MARK3: variants seen among roughly 807,000 people sequenced by gnomAD.
The protein encoded by MARK3 is MAP/microtubule affinity-regulating kinase 3.
In MARK3, 46 loss-of-function variants were observed where a neutral mutation model predicts 90.1. The ratio of observed to expected loss-of-function variants is 0.51; its 90% CI spans 0.40 to 0.65. The LOEUF (loss-of-function observed/expected upper bound fraction) is 0.65. Ranked by LOEUF, MARK3 falls within the 30% of genes least tolerant of loss-of-function variation. The pLI is 0.00. For synonymous variants in MARK3, 321 were observed against 332.6 expected, an observed-to-expected ratio of 0.97 and a Z score of 0.38; for missense variants, 818 against 947.2, an observed-to-expected ratio of 0.86 and a Z score of 1.79.
intron 2 of MARK3, among the ~76,000 whole-genome samples, chr14:103,410,670 C>A (rs1214211320): frequency 6.6e-6 from 1 of 152,016 alleles, no homozygotes; most frequent in Admixed American, 6.6e-5. Flanking sequence ...CCGCTGTACT[C>A]CAGCCGGGGC....
chr14:103,448,556 G>A (rs1385749177), intron 3 of MARK3, among the ~76,000 whole-genome samples: 1 of 152,182 alleles, frequency 6.6e-6, no homozygotes, highest in African/African-American at 2.4e-5. Context: ...GATTCGCAGA[G>A]TTGGGAGCCC....
intron 3 of MARK3, among the ~76,000 whole-genome samples, chr14:103,438,149 C>T (rs560131018): frequency 4.6e-5 from 7 of 152,176 alleles, no homozygotes; most frequent in South Asian, 4.2e-4. Flanking sequence ...TACAGGCACC[C>T]GCCACCACGC....
At chr14:103,401,561 G>GC (rs1483629830) in intron 1 of MARK3, among the ~76,000 whole-genome samples, 1 of 152,172 alleles carries the variant, frequency 6.6e-6, no homozygotes, top group African/African-American at 2.4e-5. Flanking sequence ...GCAGTGCTTA[G>GC]GGTCAGGAGA....
At chr14:103,412,425 G>T in intron 2 of MARK3, 1 of 581,456 alleles carries the variant, frequency 1.7e-6, no homozygotes, top group Admixed American at 2.6e-5. Context: ...TGCTTTATCA[G>T]AGACTCTGAA....
At chr14:103,486,159 C>T (rs143381007) in intron 14 of MARK3, among the ~76,000 whole-genome samples, 58 of 151,988 alleles carry the variant, frequency 3.8e-4, no homozygotes, top group South Asian at 1.2e-3. Flanking sequence ...TAGCTGGGTG[C>T]CAGGCACAGT....
At chr14:103,442,959 G>A (rs187831719) in intron 3 of MARK3, among the ~76,000 whole-genome samples, 7 of 125,978 alleles carry the variant, frequency 5.6e-5, no homozygotes, top group East Asian at 2.0e-4. Flanking sequence ...CCCTCCCACC[G>A]ACAAGGAAGT....
At chr14:103,448,671 A>G (rs2093054450) in intron 3 of MARK3, among the ~76,000 whole-genome samples, 1 of 152,208 alleles carries the variant, frequency 6.6e-6, no homozygotes, top group Non-Finnish European at 1.5e-5. Context: ...GTATGTTACC[A>G]TCCCCCTTTG....
intron 4 of MARK3, among the ~76,000 whole-genome samples, chr14:103,450,919 T>TGTGTGTGTGTG (rs374293977): frequency 3.8e-5 from 3 of 79,936 alleles, no homozygotes; most frequent in Non-Finnish European, 7.0e-5. Flanking sequence ...TGTGTGTGTA[T>TGTGTGTGTGTG]TCTTTTTTTT....
Position 103,468,048 on chromosome 14 carries a change from TC to T in MARK3, c.1128del (p.Ser377ValfsTer126). ...RKSSELDASDSSSSSNLSLAK... is the reference protein window; with the variant it reads ...RKSSELDASDXSSSSNLSLAK... The stretch of plus-strand genomic sequence containing the variant: ...TTTCTCTTAGCTGGATGCTAGTGAT[TC>T]CAGTTCTAGCAGCAATCTTTCACTT... On this transcript the variant is annotated frameshift_variant, in exon 12 of 18. Coordinates refer to ENST00000429436, the MANE Select transcript of MARK3 (RefSeq NM_001128918.3). LOFTEE classifies it high-confidence loss of function. 1 of 1,613,670 alleles carries T rather than the reference TC, an allele frequency of 6.2e-7. No homozygotes were observed. Among genetic ancestry groups the T allele is most frequent in the African/African-American group, 1.3e-5 (1 of 75,004 alleles).
intron 1 of MARK3, 174 bp downstream of exon 1, chr14:103,386,254 C>G: frequency 1.4e-6 from 1 of 728,794 alleles, no homozygotes. Flanking sequence ...TCTGCCGTGT[C>G]CCGCTGTTCG....
chr14:103,486,032 A>G (rs2093922716), intron 14 of MARK3, among the ~76,000 whole-genome samples: 1 of 152,092 alleles, frequency 6.6e-6, no homozygotes, highest in Non-Finnish European at 1.5e-5. Flanking sequence ...GGCTCACGCC[A>G]CCATGTAATC....
intron 3 of MARK3, among the ~76,000 whole-genome samples, chr14:103,444,178 A>G (rs550335571): frequency 1.4e-5 from 2 of 144,270 alleles, no homozygotes; most frequent in Admixed American, 1.4e-4. Context: ...TCCAGTGGTA[A>G]TACTTGACAA....
At chr14:103,446,710 C>CTTTTTTTTTTTTTTTTTTTT (rs746523547) in intron 3 of MARK3, among the ~76,000 whole-genome samples, 2 of 98,050 alleles carry the variant, frequency 2.0e-5, no homozygotes, top group African/African-American at 1.1e-4. Context: ...AGATTGTTGT[C>CTTTTTTTTTTTTTTTTTTTT]TTTTTTTTTT....
intron 14 of MARK3, among the ~76,000 whole-genome samples, chr14:103,486,669 C>T (rs2093934772): frequency 6.6e-6 from 1 of 151,890 alleles, no homozygotes. Context: ...ATATGTAGAC[C>T]ATTGTGATGT....
At chr14:103,496,665 A>C (rs2075360052) in intron 15 of MARK3, among the ~76,000 whole-genome samples, 1 of 151,604 alleles carries the variant, frequency 6.6e-6, no homozygotes, top group African/African-American at 2.4e-5. Context: ...CGCCCACCTC[A>C]GCCTCCCAAA....
chr14:103,450,448 G>A (rs1270769070), intron 4 of MARK3, among the ~76,000 whole-genome samples: 2 of 152,044 alleles, frequency 1.3e-5, no homozygotes, highest in African/African-American at 4.8e-5. Context: ...TTAGAGTTTT[G>A]TACTTAAAAC....
At chr14:103,474,863 A>T (rs1186826701) in intron 12 of MARK3, 130 bp from the exon 13 acceptor site, 7 of 659,788 alleles carry the variant, frequency 1.1e-5, no homozygotes, top group Non-Finnish European at 1.8e-5. Flanking sequence ...GAAACATCTT[A>T]GAGGATTTTA....
chr14:103,491,781 A>G lies in MARK3; in HGVS notation c.1591A>G (p.Ile531Val), dbSNP rs550826960. ...VIQNGKENST[I>V]PDQRTPVAST... is the part of the protein sequence containing the mutation. ...TCTTACTTTCTGATCTCATAGCACT[A>G]TTCCTGATCAGAGAACTCCAGTTGC... Residue 531 changes from isoleucine to valine, a missense_variant, in exon 15 of 18, where the codon ATT (isoleucine) becomes GTT (valine). Ile to Val is a conservative substitution (Grantham distance 29). This residue lies in a region of MARK3 where 560 missense variants were observed against 613.5 expected (regional missense o/e 0.91). Transcript: ENST00000429436. 1.2e-6 allele frequency: 2 copies of G among 1,614,082 alleles called. No homozygotes were observed. Among genetic ancestry groups the G allele is most frequent in the Non-Finnish European group, 1.7e-6 (2 of 1,180,010 alleles).
intron 3 of MARK3, among the ~76,000 whole-genome samples, chr14:103,431,697 C>T (rs1006278205): frequency 2.0e-5 from 3 of 152,192 alleles, no homozygotes; most frequent in Non-Finnish European, 2.9e-5. Context: ...GAGACACACT[C>T]CTTCCCGTAG....
Sources: gnomAD v4.1 joint callset for allele counts (sites outside exome capture counted in the v4.1 genomes callset) on GRCh38, gnomAD v4.1.1 for gene constraint, gnomAD v4.1.1 regional missense constraint, MANE v1.5 for transcripts, NCBI Gene and HGNC (gene_info 2026-07-23, HGNC 2026-07-21) for gene names.